FAM81A: variants seen among roughly 807,000 people sequenced by gnomAD.
FAM81A encodes protein FAM81A.
Under a neutral mutation model 46.7 loss-of-function variants are expected in FAM81A, and 19 were observed. The ratio of observed to expected loss-of-function variants is 0.41; its 90% confidence interval spans 0.28 to 0.60. FAM81A has a LOEUF of 0.60. Ranked by LOEUF, FAM81A falls within the 20% of genes least tolerant of loss-of-function variation. FAM81A has a pLI of 0.34. For missense variants in FAM81A, 377 were observed against 453.5 expected (o/e 0.83, Z 1.53); for synonymous variants, 183 against 152.9 (o/e 1.20, Z -1.45).
At chr15:59,512,264 AG>A (rs2141831041) in intron 6 of FAM81A, among the ~76,000 whole-genome samples, 1 of 151,940 alleles carries the variant, frequency 6.6e-6, no homozygotes, top group East Asian at 2.0e-4. Context: ...AGATCACTTG[AG>A]TTTGGGAGAC....
At chr15:59,475,297 C>T (rs866890837) in intron 3 of FAM81A, among the ~76,000 whole-genome samples, 3 of 151,996 alleles carry the variant, frequency 2.0e-5, no homozygotes, top group Admixed American at 6.6e-5. Context: ...GGCACACCAC[C>T]ACACCCGGCT....
At chr15:59,508,619 G>A (rs1042152935) in intron 5 of FAM81A, among the ~76,000 whole-genome samples, 5 of 152,188 alleles carry the variant, frequency 3.3e-5, no homozygotes, top group Non-Finnish European at 7.3e-5. Flanking sequence ...GCTCCTCAGA[G>A]AATTATGTGT....
upstream of FAM81A, among the ~76,000 whole-genome samples, chr15:59,435,955 A>G (rs1261131839): frequency 6.6e-6 from 1 of 152,132 alleles, no homozygotes; most frequent in African/African-American, 2.4e-5. Context: ...TTGTGCATTA[A>G]ATTTTGTCCC....
upstream of FAM81A, among the ~76,000 whole-genome samples, chr15:59,435,179 C>A (rs1378937918): frequency 6.6e-6 from 1 of 151,982 alleles, no homozygotes; most frequent in Non-Finnish European, 1.5e-5. Flanking sequence ...CCCAGCTCCT[C>A]GGGAGGCTGA....
At chr15:59,467,328 C>A (rs577047513) in intron 3 of FAM81A, among the ~76,000 whole-genome samples, 4 of 152,276 alleles carry the variant, frequency 2.6e-5, no homozygotes, top group African/African-American at 9.6e-5. Context: ...ATTGATTCTT[C>A]CTATCCATGA....
chr15:59,473,358 A>G (rs190412990), intron 3 of FAM81A, among the ~76,000 whole-genome samples: 24 of 152,264 alleles, frequency 1.6e-4, no homozygotes, highest in Admixed American at 1.3e-3. Flanking sequence ...TCCACACTGT[A>G]TATGCTACCT....
intron 2 of FAM81A, among the ~76,000 whole-genome samples, chr15:59,404,500 G>T (rs1482100086): frequency 1.3e-5 from 2 of 151,800 alleles, no homozygotes; most frequent in Non-Finnish European, 2.9e-5. Flanking sequence ...TCGCTCTGTT[G>T]CCCAGGCTGG....
chr15:59,494,799 A>G (rs1406504886), intron 4 of FAM81A, among the ~76,000 whole-genome samples: 1 of 152,172 alleles, frequency 6.6e-6, no homozygotes, highest in Non-Finnish European at 1.5e-5. Context: ...AGGTTGCTAT[A>G]TTATTTCATA....
chr15:59,456,794 C>T (rs560417878), intron 1 of FAM81A, among the ~76,000 whole-genome samples: 1 of 152,090 alleles, frequency 6.6e-6, no homozygotes, highest in African/African-American at 2.4e-5. Context: ...CAGCTGGCCT[C>T]GAAATTCTGG....
chr15:59,477,477 G>A (rs1278792377), intron 3 of FAM81A, among the ~76,000 whole-genome samples: 2 of 152,118 alleles, frequency 1.3e-5, no homozygotes, highest in African/African-American at 4.8e-5. Flanking sequence ...TAGTCAAATC[G>A]AGATATATTA....
chr15:59,505,505 C>CT (rs2141811889), intron 4 of FAM81A, among the ~76,000 whole-genome samples: 1 of 148,106 alleles, frequency 6.8e-6, no homozygotes, highest in Admixed American at 6.7e-5. Context: ...GAGTTAGACT[C>CT]TGTCTCGAAA....
chr15:59,467,223 GT>G (rs1174995697), intron 3 of FAM81A, among the ~76,000 whole-genome samples: 18 of 152,160 alleles, frequency 1.2e-4, no homozygotes, highest in African/African-American at 3.4e-4. Context: ...CTTTAAAGCA[GT>G]TTTTTTCAAT....
chr15:59,523,108 C>G lies in FAM81A; in HGVS notation c.*1730C>G, dbSNP rs773522351. 6.6e-6 allele frequency: 1 copy of G among 152,296 alleles called. No individual in the cohort carries two copies. The highest frequency in any genetic ancestry group is 2.4e-5 in the African/African-American group (1 of 41,446). 9.4% of individuals were successfully genotyped at this position (152,296 alleles called of 1,614,324 possible). On this transcript the variant is annotated 3_prime_UTR_variant, in exon 9 of 9. Coordinates refer to ENST00000288228, the MANE Select transcript of FAM81A (RefSeq NM_152450.3). Reference sequence around the variant, plus strand: ...CTCCAGCATCTCTGTCTTGTGGGGTCTTTGAGGAGAAGGAATCAGAACATC... The same window carrying G: ...CTCCAGCATCTCTGTCTTGTGGGGTGTTTGAGGAGAAGGAATCAGAACATC...
At chr15:59,451,200 A>G (rs1359727045) in intron 1 of FAM81A, among the ~76,000 whole-genome samples, 1 of 152,198 alleles carries the variant, frequency 6.6e-6, no homozygotes. Flanking sequence ...ATTCCAATAT[A>G]TTAATTCACA....
chr15:59,476,225 A>ATT (rs778127240), intron 3 of FAM81A, among the ~76,000 whole-genome samples: 11 of 141,020 alleles, frequency 7.8e-5, no homozygotes, highest in Non-Finnish European at 1.2e-4. Flanking sequence ...TTAACCTACA[A>ATT]TTTTTTTTTT....
In FAM81A at chr15:59,523,025, G is replaced by A. The variant is rs538489402; in HGVS notation, c.*1647G>A. On this transcript the variant is annotated 3_prime_UTR_variant, in exon 9 of 9. Transcript: ENST00000288228. Reference sequence around the variant, plus strand: ...GAATTTCTTTTGTGGTAGCGTACACGTGGTTCATGTGGTTCTCCACGTTTA... The same window carrying A: ...GAATTTCTTTTGTGGTAGCGTACACATGGTTCATGTGGTTCTCCACGTTTA... The A allele has an allele frequency of 1.3e-5, 2 of 152,352 alleles. No individual in the cohort carries two copies. The highest frequency in any genetic ancestry group is 1.9e-4 in the East Asian group (1 of 5,184). 9.4% of individuals were successfully genotyped at this position (152,352 alleles called of 1,614,324 possible).
intron 4 of FAM81A, among the ~76,000 whole-genome samples, chr15:59,495,731 C>G (rs1384451813): frequency 6.6e-6 from 1 of 152,138 alleles, no homozygotes; most frequent in Non-Finnish European, 1.5e-5. Context: ...GAAGAGGTAT[C>G]TCATTGTGGT....
At chr15:59,402,615 A>C (rs77402675) in intron 2 of FAM81A, among the ~76,000 whole-genome samples, 16,623 of 150,834 alleles carry the variant, frequency 0.11, 945 homozygotes, top group Middle Eastern at 0.13. Flanking sequence ...ATTTTGGCTC[A>C]CTGCAACCTC....
chr15:59,509,355 C>T (rs926145434), intron 6 of FAM81A, among the ~76,000 whole-genome samples: 5 of 152,176 alleles, frequency 3.3e-5, no homozygotes, highest in African/African-American at 9.7e-5. Context: ...GTTGAAGGTT[C>T]GGTTCATGGT....
Sources: allele counts gnomAD v4.1 joint callset (sites outside exome capture counted in the v4.1 genomes callset), GRCh38; gene constraint gnomAD v4.1.1; transcripts MANE v1.5; gene names NCBI Gene and HGNC (gene_info 2026-07-23, HGNC 2026-07-21).